Variants in SIPA1L3 observed in about 807,000 individuals in gnomAD.
The protein encoded by SIPA1L3 is signal induced proliferation associated 1 like 3, also known as signal-induced proliferation-associated 1-like protein 3.
A neutral mutation model predicts 150.1 loss-of-function variants in SIPA1L3; 59 were observed. That is an observed-to-expected ratio of 0.39 (90% CI 0.32 to 0.49). The LOEUF (loss-of-function observed/expected upper bound fraction) is 0.49, where lower values mean the gene tolerates loss of function less well. Among genes scored for constraint, SIPA1L3 ranks in the 20% least tolerant of loss-of-function variants. SIPA1L3 has a pLI of 0.86. For synonymous variants in SIPA1L3, 1,070 were observed against 1,077.6 expected, an observed-to-expected ratio of 0.99 and a Z score of 0.14; for missense variants, 2,211 against 2,489.5, an observed-to-expected ratio of 0.89 and a Z score of 2.38.
At chr19:38,150,347 A>C (rs1971791738) in intron 12 of SIPA1L3, among the ~76,000 whole-genome samples, 1 of 152,012 alleles carries the variant, frequency 6.6e-6, no homozygotes, top group East Asian at 1.9e-4. Flanking sequence ...CCAGGGGATT[A>C]GGGCAGGGTC....
intron 1 of SIPA1L3, among the ~76,000 whole-genome samples, chr19:37,991,540 C>T (rs1339645765): frequency 1.3e-5 from 2 of 152,204 alleles, no homozygotes; most frequent in Admixed American, 6.5e-5. Context: ...GGCTGGTCAG[C>T]TGCTGTCACC....
chr19:38,135,976 C>G (rs28415613), intron 10 of SIPA1L3, among the ~76,000 whole-genome samples: 3 of 151,954 alleles, frequency 2.0e-5, no homozygotes, highest in Non-Finnish European at 4.4e-5. Context: ...ACCCCATGCT[C>G]TCAGACACCG....
chr19:37,970,802 G>T (rs1966914608), intron 1 of SIPA1L3, among the ~76,000 whole-genome samples: 1 of 152,218 alleles, frequency 6.6e-6, no homozygotes, highest in South Asian at 2.1e-4. Context: ...GTGAGGTAGA[G>T]GTTTGGCTGC....
At chr19:38,188,686 GC>G in intron 16 of SIPA1L3, among the ~76,000 whole-genome samples, 1 of 152,040 alleles carries the variant, frequency 6.6e-6, no homozygotes, top group Non-Finnish European at 1.5e-5. Flanking sequence ...ACTTTGGGAG[GC>G]CGAGGCGGGC....
chr19:38,156,269 C>G (rs956691174), intron 13 of SIPA1L3, among the ~76,000 whole-genome samples: 2 of 151,728 alleles, frequency 1.3e-5, no homozygotes, highest in Admixed American at 1.3e-4. Context: ...CCCTTTTTTC[C>G]TTTTTCCTCA....
At chr19:37,988,405 G>A (rs1375423972) in intron 1 of SIPA1L3, among the ~76,000 whole-genome samples, 2 of 152,242 alleles carry the variant, frequency 1.3e-5, no homozygotes, top group African/African-American at 2.4e-5. Flanking sequence ...GCAGGGTGCA[G>A]TGGCTCATGC....
intron 2 of SIPA1L3, among the ~76,000 whole-genome samples, chr19:38,060,822 G>T (rs1969430330): frequency 6.6e-6 from 1 of 152,092 alleles, no homozygotes; most frequent in South Asian, 2.1e-4. Context: ...CTCCCGAGTA[G>T]CTGGGATTAC....
At chr19:38,085,818 G>A (rs1268337690) in intron 3 of SIPA1L3, among the ~76,000 whole-genome samples, 1 of 152,090 alleles carries the variant, frequency 6.6e-6, no homozygotes, top group Admixed American at 6.6e-5. Context: ...AGCATGGTGA[G>A]ACCCTGTCTC....
intron 1 of SIPA1L3, among the ~76,000 whole-genome samples, chr19:37,931,247 C>T (rs1245619624): frequency 1.3e-5 from 2 of 152,216 alleles, no homozygotes; most frequent in Non-Finnish European, 2.9e-5. Flanking sequence ...CACAGTGGCT[C>T]ATGCCTGTAA....
intron 2 of SIPA1L3, among the ~76,000 whole-genome samples, chr19:38,032,656 A>G (rs1001864957): frequency 6.6e-6 from 1 of 152,140 alleles, no homozygotes; most frequent in African/African-American, 2.4e-5. Context: ...CCTGGCCAAC[A>G]TGGTGGCCGT....
chr19:38,119,863 A>T lies in SIPA1L3; in HGVS notation c.2849A>T (p.Glu950Val). 2 of 1,609,898 alleles carry T rather than the reference A, an allele frequency of 1.2e-6. No homozygotes were observed. The highest frequency in any genetic ancestry group is 1.7e-6 in the Non-Finnish European group (2 of 1,178,766). The change falls in exon 9 of 22, where the codon GAG (glutamate) becomes GTG (valine). Residue 950 changes from glutamate (E) to valine (V), a missense_variant. By Grantham distance (121) the Glu-to-Val change is moderately radical (BLOSUM62 -2). Transcript: ENST00000222345. ...GAGGGTTCTGTGGAGGACATAAGGGAGATAGTGCAGAGACTGAAGGTAAGG... is the reference window on the plus strand; with the variant it reads ...GAGGGTTCTGTGGAGGACATAAGGGTGATAGTGCAGAGACTGAAGGTAAGG... ...ATEGSVEDIR[E>V]IVQRLKVMTS...
rs191640820 is a variant in SIPA1L3 at position 37,912,573 on chromosome 19, G to A, written c.-379+5215G>A. Among the ~76,000 whole-genome samples, 415 of 152,236 alleles carry A rather than the reference G, an allele frequency of 2.7e-3. 5 individuals carry two copies. Among genetic ancestry groups the A allele is most frequent in the African/African-American group, 9.1e-3 (378 of 41,540 alleles). On this transcript the variant is annotated intron_variant, in intron 1 of 21. Coordinates refer to ENST00000222345, the MANE Select transcript of SIPA1L3 (RefSeq NM_015073.3). ...TGCAGTGGCGTCATCATAGCTCACTGTAACCTTGAACTCCTGGGCTCAAGT... is the reference window on the plus strand; with the variant it reads ...TGCAGTGGCGTCATCATAGCTCACTATAACCTTGAACTCCTGGGCTCAAGT...
intron 2 of SIPA1L3, among the ~76,000 whole-genome samples, chr19:38,038,652 C>T (rs964106771): frequency 4.0e-5 from 6 of 151,818 alleles, no homozygotes; most frequent in Admixed American, 1.3e-4. Flanking sequence ...GAAAGAAACC[C>T]GCTTCTTTGA....
At chr19:37,959,780 T>A (rs1360840414) in intron 1 of SIPA1L3, among the ~76,000 whole-genome samples, 3 of 151,810 alleles carry the variant, frequency 2.0e-5, no homozygotes, top group Non-Finnish European at 2.9e-5. Context: ...TATTTTCTAG[T>A]GTTTCATTTT....
rs1356039346 is a variant in SIPA1L3 at position 38,125,492 on chromosome 19, A to G, written c.2869-5006A>G. Among the ~76,000 whole-genome samples the G allele has an allele frequency of 2.0e-5, 3 of 151,862 alleles. No individual in the cohort carries two copies. In the East Asian group the frequency reaches 5.8e-4, roughly 29 times the overall value. On this transcript the variant is annotated intron_variant, in intron 9 of 21. Transcript: ENST00000222345. Reference sequence around the variant, plus strand: ...CTGTCCCACACCCACCCCCGTGCCTACTGTTGGCGGAGTCCTTTTGGAGCA... The same window carrying G: ...CTGTCCCACACCCACCCCCGTGCCTGCTGTTGGCGGAGTCCTTTTGGAGCA...
chr19:38,160,251 T>C (rs1247192665), intron 13 of SIPA1L3, among the ~76,000 whole-genome samples: 2 of 152,168 alleles, frequency 1.3e-5, no homozygotes, highest in Admixed American at 6.5e-5. Flanking sequence ...TGACCTCAAA[T>C]GATCCCCCCA....
In SIPA1L3 at chr19:38,082,205, C is replaced by A; in HGVS notation, c.640C>A (p.Pro214Thr). The A allele has an allele frequency of 6.2e-7, 1 of 1,603,322 alleles. No homozygotes were observed. The highest frequency in any genetic ancestry group is 8.5e-7 in the Non-Finnish European group (1 of 1,179,772). Residue 214 changes from proline to threonine, a missense_variant, in exon 3 of 22, where the codon CCC (proline) becomes ACC (threonine). Physicochemically the swap from Pro to Thr is conservative, Grantham distance 38. Coordinates refer to ENST00000222345, the MANE Select transcript of SIPA1L3 (RefSeq NM_015073.3). ...STSSIDVQGM[P>T]EQSFFDILNE... ...CTCGTCCATCGACGTGCAGGGCATG[C>A]CCGAGCAGAGCTTCTTCGACATCCT...
chr19:38,148,662 T>C (rs1390998258), intron 12 of SIPA1L3, among the ~76,000 whole-genome samples: 1 of 152,126 alleles, frequency 6.6e-6, no homozygotes, highest in Non-Finnish European at 1.5e-5. Context: ...CCGGCGAGGC[T>C]CCTGCCCACA....
intron 1 of SIPA1L3, among the ~76,000 whole-genome samples, chr19:37,976,104 T>TAAAAAAAAA (rs374630193): frequency 0.25 from 29,660 of 117,348 alleles, 3,972 homozygotes; most frequent in East Asian, 0.55. Flanking sequence ...GGCTCTGTCT[T>TAAAAAAAAA]AAAAAAAAAA....
Sources: gnomAD v4.1 joint callset for allele counts (sites outside exome capture counted in the v4.1 genomes callset) on GRCh38, gnomAD v4.1.1 for gene constraint, MANE v1.5 for transcripts, NCBI Gene and HGNC (gene_info 2026-07-23, HGNC 2026-07-21) for gene names.